The following CYP17A1 variants were observed in gnomAD, a reference collection of about 807,000 sequenced individuals.
CYP17A1 encodes steroid 17-alpha-hydroxylase/17,20 lyase.
A neutral mutation model predicts 38.5 loss-of-function variants in CYP17A1; 27 were observed. The ratio of observed to expected loss-of-function variants is 0.70; its 90% CI spans 0.52 to 0.97. The LOEUF (loss-of-function observed/expected upper bound fraction) is 0.97, where lower values mean the gene tolerates loss of function less well. Ranked by LOEUF, CYP17A1 falls within the 50% of genes least tolerant of loss-of-function variation. The pLI, the probability that CYP17A1 is intolerant of heterozygous loss-of-function variation, is 0.00. For synonymous variants in CYP17A1, 263 were observed against 253.3 expected (o/e 1.04, Z -0.36); for missense variants, 549 against 645.9 (o/e 0.85, Z 1.63).
chr10:102,835,769 G>A (rs555283478), intron 1 of CYP17A1, among the ~76,000 whole-genome samples: 1 of 152,304 alleles, frequency 6.6e-6, no homozygotes, highest in Non-Finnish European at 1.5e-5. Flanking sequence ...TGTCCAGAGG[G>A]TAGGGAGCAG....
intron 4 of CYP17A1, chr10:102,833,458 G>GTTTTT: frequency 2.4e-5 from 9 of 374,264 alleles, no homozygotes; most frequent in Admixed American, 4.2e-5. Flanking sequence ...CCTTGAGTCA[G>GTTTTT]TTTTTTTTTT....
rs1844124782 is a variant in CYP17A1, at chr10:102,833,926, C to A, written c.753+110G>T. 8.3e-6 allele frequency: 6 copies of A among 719,346 alleles called. No homozygotes were observed. In the South Asian group the frequency reaches 9.1e-5, roughly 11 times the overall value. 44.6% of individuals were successfully genotyped at this position (719,346 alleles called of 1,614,324 possible). ...GTTTTTATTGTACACCTACTATGTGCCAGGTTCTCTGCTTGGTTTTGAAGC... is the reference window on the plus strand; with the variant it reads ...GTTTTTATTGTACACCTACTATGTGACAGGTTCTCTGCTTGGTTTTGAAGC... On this transcript the variant is annotated intron_variant, in intron 4 of 7. Transcript: ENST00000369887.
intron 6 of CYP17A1, 165 bp from the exon 7 acceptor site, chr10:102,831,776 G>A (rs1844093098): frequency 1.5e-6 from 2 of 1,302,738 alleles, no homozygotes; most frequent in Non-Finnish European, 2.1e-6. Flanking sequence ...CCTAAATCCA[G>A]CCCTTCTCCA....
chr10:102,834,113 TG>T lies in CYP17A1; in HGVS notation c.675del (p.Asn226ThrfsTer7). The stretch of plus-strand genomic sequence containing the variant: ...CTCTTTAATTTTTCCAGGGTTTTGT[TG>T]GGGAAAATCTGGGAAATAAAAAGAA... ...VDLVPWLKIFPNKTLEKLKSH... is the reference protein window; with the variant it reads ...VDLVPWLKIFXNKTLEKLKSH... On this transcript the variant is annotated frameshift_variant, in exon 4 of 8. Transcript: ENST00000369887. LOFTEE classifies it high-confidence loss of function. 2.4e-6 allele frequency: 3 copies of T among 1,263,334 alleles called. No homozygotes were observed. Among genetic ancestry groups the T allele is most frequent in the Non-Finnish European group, 2.3e-6 (2 of 859,330 alleles). 78.3% of individuals were successfully genotyped at this position (1,263,334 alleles called of 1,614,324 possible).
At chr10:102,836,716 T>A in intron 1 of CYP17A1, 1 of 344,844 alleles carries the variant, frequency 2.9e-6, no homozygotes, top group South Asian at 3.0e-5. Context: ...GCACTTACTG[T>A]GCTGGGTGCT....
chr10:102,837,182 A>G lies in CYP17A1; in HGVS notation c.180T>C (p.Tyr60=), dbSNP rs61754264. 56 of 1,602,218 alleles carry G rather than the reference A, an allele frequency of 3.5e-5. No homozygotes were observed. Among genetic ancestry groups the G allele is most frequent in the Non-Finnish European group, 4.4e-5 (52 of 1,169,134 alleles). ...HNNFFKLQKK[Y]GPIYSVRMGT... is the part of the protein sequence containing the mutation. The stretch of plus-strand genomic sequence containing the variant: ...CCATACGAACCGAATAGATGGGGCC[A>G]TATTTTTTCTGCAGCTTGAAGAAGT... The change falls in exon 1 of 8, where the codon TAT becomes TAC. Residue 60 remains tyrosine, a synonymous_variant. Transcript: ENST00000369887.
At chr10:102,836,859 G>A in intron 1 of CYP17A1, 1 of 611,102 alleles carries the variant, frequency 1.6e-6, no homozygotes, top group East Asian at 2.8e-5. Context: ...CAGCCTGGTA[G>A]AGGAGACATT....
At chr10:102,831,746 T>A in intron 6 of CYP17A1, 135 bp from the exon 7 acceptor site, 1 of 1,487,378 alleles carries the variant, frequency 6.7e-7, no homozygotes. Context: ...CATGTTTTCC[T>A]CAGCTTCTGC....
rs1844107708 is a variant in CYP17A1, at chr10:102,832,748, G to T, written c.970-68C>A. On this transcript the variant is annotated intron_variant, in intron 5 of 7. Transcript: ENST00000369887. Reference sequence around the variant, plus strand: ...CCAGGAGAAGCAAGGGCTTAGAGAAGAATCCAACTGTGACATCGAGAAGAG... The same window carrying T: ...CCAGGAGAAGCAAGGGCTTAGAGAATAATCCAACTGTGACATCGAGAAGAG... 3.2e-6 allele frequency: 4 copies of T among 1,259,444 alleles called. No individual in the cohort carries two copies. The Admixed American group carries it at 5.0e-5, about 16-fold the overall frequency. 78.0% of individuals were successfully genotyped at this position (1,259,444 alleles called of 1,614,324 possible). A position where few individuals can be genotyped will look rare whatever the true frequency, so the allele number is the denominator to read the frequency against.
In CYP17A1 at chr10:102,834,118, A is replaced by G. The variant is rs202092158; in HGVS notation, c.671T>C (p.Phe224Ser). Residue 224 changes from phenylalanine (F) to serine (S), a missense_variant, in exon 4 of 8, where the codon TTC becomes TCC. Physicochemically the swap from Phe to Ser is radical, Grantham distance 155 (BLOSUM62 -2). This residue lies in a region of CYP17A1 where 289 missense variants were observed against 320.9 expected (regional missense o/e 0.90). Transcript: ENST00000369887. ...LVDLVPWLKI[F>S]PNKTLEKLKS... ...TAATTTTTCCAGGGTTTTGTTGGGG[A>G]AAATCTGGGAAATAAAAAGAAATGT... 3.3e-6 allele frequency: 4 copies of G among 1,196,384 alleles called. No homozygotes were observed. Among genetic ancestry groups the G allele is most frequent in the Non-Finnish European group, 5.0e-6 (4 of 798,320 alleles). 74.1% of individuals were successfully genotyped at this position (1,196,384 alleles called of 1,614,324 possible).
chr10:102,833,226 G>C lies in CYP17A1; in HGVS notation c.754-18C>G, dbSNP rs1256757636. The C allele has an allele frequency of 6.2e-7, 1 of 1,614,012 alleles. No homozygotes were observed. Among genetic ancestry groups the C allele is most frequent in the Non-Finnish European group, 8.5e-7 (1 of 1,180,004 alleles). On this transcript the variant is annotated intron_variant, in intron 4 of 7. Coordinates refer to ENST00000369887, the MANE Select transcript of CYP17A1 (RefSeq NM_000102.4). The stretch of plus-strand genomic sequence containing the variant: ...AATTTCTCCTGGGTTGGGTGAGGTT[G>C]GGAGACATTAATAAGGAAGGAGCCC...
rs1195022348 is a variant in CYP17A1, at chr10:102,832,545, T to C, written c.1105A>G (p.Met369Val). 4.3e-6 allele frequency: 7 copies of C among 1,611,308 alleles called. No individual in the cohort carries two copies. The highest frequency in any genetic ancestry group is 1.7e-5 in the Admixed American group (1 of 59,940). ...ACGTTGGCCTTGTGGGGGATGAGCA[T>C]AGGGGCCACGGGCCTGAGGCGAAGC... ...EVLRLRPVAPMLIPHKANVDS... is the reference protein window; with the variant it reads ...EVLRLRPVAPVLIPHKANVDS... The change falls in exon 6 of 8, where the codon ATG becomes GTG. Residue 369 changes from methionine to valine, a missense_variant. Physicochemically the swap from Met to Val is conservative, Grantham distance 21. This residue lies in a region of CYP17A1 where 257 missense variants were observed against 307.9 expected (regional missense o/e 0.83). Transcript: ENST00000369887.
rs1234855019 is a variant in CYP17A1, at chr10:102,834,826, G to T, written c.625C>A (p.Leu209Met). 1.2e-6 allele frequency: 2 copies of T among 1,614,138 alleles called. No homozygotes were observed. The highest frequency in any genetic ancestry group is 1.7e-6 in the Non-Finnish European group (2 of 1,180,038). ...AGGTCCACCAGGCTGTCTTTGCTCA[G>T]GTTGTCTATGATGCCTTCATTGTAA... is the stretch of plus-strand genomic sequence containing the variant. The part of the protein sequence containing the change: ...QNYNEGIIDN[L>M]SKDSLVDLVP... The change falls in exon 3 of 8, where the codon CTG (leucine) becomes ATG (methionine). Residue 209 changes from leucine (L) to methionine (M), a missense_variant. Physicochemically the swap from Leu to Met is conservative, Grantham distance 15. This residue lies in a region of CYP17A1 where 289 missense variants were observed against 320.9 expected (regional missense o/e 0.90). Coordinates refer to ENST00000369887, the MANE Select transcript of CYP17A1 (RefSeq NM_000102.4).
At chr10:102,835,111 AG>A in intron 2 of CYP17A1, 97 bp from the exon 3 acceptor site, 1 of 1,075,474 alleles carries the variant, frequency 9.3e-7, no homozygotes, top group Non-Finnish European at 1.4e-6. Flanking sequence ...GACAGATAGC[AG>A]ATGGCCACTA....
intron 7 of CYP17A1, 73 bp from the exon 8 acceptor site, chr10:102,831,058 G>C (rs575887456): frequency 3.8e-6 from 4 of 1,047,192 alleles, no homozygotes; most frequent in East Asian, 2.6e-5. Context: ...CCCTGGTTGA[G>C]GGGGAGACAT....
In CYP17A1 at chr10:102,832,978, G is replaced by A; in HGVS notation, c.969+15C>T. On this transcript the variant is annotated intron_variant, in intron 5 of 7. Coordinates refer to ENST00000369887, the MANE Select transcript of CYP17A1 (RefSeq NM_000102.4). ...GGGCTGGCTGGGGTCTAGGATCAATGAGGGGGAAGCACACCTGAGGATTGT... is the reference window on the plus strand; with the variant it reads ...GGGCTGGCTGGGGTCTAGGATCAATAAGGGGGAAGCACACCTGAGGATTGT... The A allele has an allele frequency of 2.5e-6, 4 of 1,613,578 alleles. No individual in the cohort carries two copies. The highest frequency in any genetic ancestry group is 1.7e-5 in the Admixed American group (1 of 59,996).
chr10:102,834,594 T>C (rs1418814737), intron 3 of CYP17A1, 191 bp downstream of exon 3: 34 of 730,178 alleles, frequency 4.7e-5, no homozygotes, highest in Non-Finnish European at 7.2e-5. Context: ...CTAAGGTGCA[T>C]AATTAAAAGG....
At chr10:102,831,143 C>G (rs902089440) in intron 7 of CYP17A1, among the ~76,000 whole-genome samples, 158 bp from the exon 8 acceptor site, 1 of 149,186 alleles carries the variant, frequency 6.7e-6, no homozygotes, top group Non-Finnish European at 1.5e-5. Context: ...AGAGATACAG[C>G]CCTGCTTTCA....
Position 102,835,348 on chromosome 10 carries a change from G to A in CYP17A1, c.342C>T (p.Phe114=), listed in dbSNP as rs774228870. ...IASNNRKGIA[F]ADSGAHWQLH... Reference sequence around the variant, plus strand: ...GCTGCCAGTGTGCGCCAGAGTCAGCGAAGGCGATACCCTTACGGTTGTTGG... The same window carrying A: ...GCTGCCAGTGTGCGCCAGAGTCAGCAAAGGCGATACCCTTACGGTTGTTGG... Residue 114 remains phenylalanine (F), a synonymous_variant, in exon 2 of 8, where the codon TTC becomes TTT. Transcript: ENST00000369887. 1.1e-5 allele frequency: 17 copies of A among 1,611,660 alleles called. No homozygotes were observed. Among genetic ancestry groups the A allele is most frequent in the East Asian group, 2.2e-5 (1 of 44,882 alleles).
Sources: allele counts gnomAD v4.1 joint callset (sites outside exome capture counted in the v4.1 genomes callset), GRCh38; gene constraint gnomAD v4.1.1; regional missense constraint gnomAD v4.1.1; transcripts MANE v1.5; gene names NCBI Gene and HGNC (gene_info 2026-07-23, HGNC 2026-07-21).